Variants in MYBBP1A observed in about 807,000 individuals in gnomAD.
MYBBP1A encodes the protein myb-binding protein 1A.
Under a neutral mutation model 136.3 loss-of-function variants are expected in MYBBP1A, and 147 were observed. The ratio of observed to expected loss-of-function variants is 1.08; its 90% CI spans 0.94 to 1.24. The LOEUF (loss-of-function observed/expected upper bound fraction) is 1.24, where lower values mean the gene tolerates loss of function less well. Ranked by LOEUF, MYBBP1A falls within the 50% of genes most tolerant of loss-of-function variation. MYBBP1A has a pLI of 0.00. For synonymous variants in MYBBP1A, 947 were observed against 735.8 expected, an observed-to-expected ratio of 1.29 and a Z score of -4.65; for missense variants, 2,060 against 1,727.4, an observed-to-expected ratio of 1.19 and a Z score of -3.41.
chr17:4,549,466 A>G, intron 9 of MYBBP1A, 24 bp from the exon 10 acceptor site: 1 of 1,603,562 alleles, frequency 6.2e-7, no homozygotes, highest in South Asian at 1.1e-5. Flanking sequence ...AGGCGAGGTC[A>G]TGTGAGCCAC....
In MYBBP1A at chr17:4,549,152, T is replaced by C. The variant is rs533848356; in HGVS notation, c.1430+180A>G. On this transcript the variant is annotated intron_variant, in intron 10 of 25. Transcript: ENST00000254718. ...TTTAGGCCCCTGCAGCTGGGGTGCC[T>C]CCTGGGCCCCTTCCCTTCACGGGTT... Among the ~76,000 whole-genome samples the C allele has an allele frequency of 8.5e-4, 129 of 152,300 alleles. 4 individuals are homozygous for C. In the South Asian group the frequency reaches 0.026, roughly 30 times the overall value.
intron 8 of MYBBP1A, among the ~76,000 whole-genome samples, chr17:4,551,480 G>A (rs1280831964): frequency 1.3e-5 from 2 of 152,214 alleles, no homozygotes; most frequent in Non-Finnish European, 2.9e-5. Context: ...AGGCCAAGGC[G>A]GGTGGATCAC....
chr17:4,552,457 A>C lies in MYBBP1A; in HGVS notation c.731T>G (p.Val244Gly). 6.2e-7 allele frequency: 1 copy of C among 1,612,914 alleles called. No individual in the cohort carries two copies. Among genetic ancestry groups the C allele is most frequent in the Non-Finnish European group, 8.5e-7 (1 of 1,179,970 alleles). Residue 244 changes from valine to glycine, a missense_variant, in exon 6 of 26, where the codon GTC becomes GGC. Physicochemically the swap from Val to Gly is moderately radical, Grantham distance 109 (BLOSUM62 -3). Transcript: ENST00000254718. This position sits in a 1 kb window ranked among gnomAD's most constrained non-coding sequence, Gnocchi z 4.7. Reference protein sequence around the residue: ...GSVNLFSDENVPRLVNVLKMA... With the variant: ...GSVNLFSDENGPRLVNVLKMA... Reference sequence around the variant, plus strand: ...CCGCCCACCTCCATCACACCTGGGGACATTCTCATCTGAGAATAGGTTCAC... The same window carrying C: ...CCGCCCACCTCCATCACACCTGGGGCCATTCTCATCTGAGAATAGGTTCAC...
Position 4,553,958 on chromosome 17 carries a change from C to T in MYBBP1A, c.454-41G>A, listed in dbSNP as rs377463661. 653 of 1,613,194 alleles carry T rather than the reference C, an allele frequency of 4.0e-4. 3 individuals are homozygous for T. In the South Asian group the frequency reaches 4.3e-3, roughly 11 times the overall value. ...GGACAGAGGGTATGAGCAGGGCACA[C>T]GACTGTCCCCCACCCATCCCAAGCC... On this transcript the variant is annotated intron_variant, in intron 4 of 25. Transcript: ENST00000254718.
In MYBBP1A at chr17:4,540,164, C is replaced by CGAGGGTCCTGT. The variant is rs3833100; in HGVS notation, c.3434+173_3434+183dup. Reference sequence around the variant, plus strand: ...CTGCGAGGGTCCTGCGAGGCTCCTGCGAGGGTCCTGTGAGGGTCCTACAGC... The same window carrying CGAGGGTCCTGT: ...CTGCGAGGGTCCTGCGAGGCTCCTGCGAGGGTCCTGTGAGGGTCCTGTGAGGGTCCTACAGC... On this transcript the variant is annotated intron_variant, in intron 25 of 25. Coordinates refer to ENST00000254718, the MANE Select transcript of MYBBP1A (RefSeq NM_014520.4). Among the ~76,000 whole-genome samples, 35 of 124,068 alleles carry CGAGGGTCCTGT rather than the reference C, an allele frequency of 2.8e-4. 1 individual carries two copies. Among genetic ancestry groups the CGAGGGTCCTGT allele is most frequent in the East Asian group, 8.6e-4 (4 of 4,660 alleles). 81.4% of individuals were successfully genotyped at this position (124,068 alleles called of 152,430 possible). A position where few individuals can be genotyped will look rare whatever the true frequency, so the allele number is the denominator to read the frequency against.
rs1345566700 is a variant in MYBBP1A, at chr17:4,541,536, G to A, written c.3224C>T (p.Thr1075Ile). The change falls in exon 24 of 26, where the codon ACC becomes ATC. Residue 1075 changes from threonine (T) to isoleucine (I), a missense_variant. Thr to Ile is a moderately conservative substitution (Grantham distance 89). Transcript: ENST00000254718. ...ENLRVLGEAQ[T>I]KAQHQQALSS... ...CAGTGCCTGCTGATGCTGCGCCTTG[G>A]TCTGCGCCTCCCCCAGCACGCGCAA... 6.2e-7 allele frequency: 1 copy of A among 1,613,218 alleles called. No individual in the cohort carries two copies. The highest frequency in any genetic ancestry group is 8.5e-7 in the Non-Finnish European group (1 of 1,180,024).
At chr17:4,550,808 G>A (rs184600738) in intron 8 of MYBBP1A, among the ~76,000 whole-genome samples, 20 of 152,378 alleles carry the variant, frequency 1.3e-4, no homozygotes, top group Admixed American at 1.2e-3. Flanking sequence ...CACCTCTCAC[G>A]CGCTTACTCA....
chr17:4,550,061 T>C lies in MYBBP1A; in HGVS notation c.1316A>G (p.His439Arg). 1 of 1,610,312 alleles carries C rather than the reference T, an allele frequency of 6.2e-7. No individual in the cohort carries two copies. Among genetic ancestry groups the C allele is most frequent in the Non-Finnish European group, 8.5e-7 (1 of 1,177,382 alleles). ...TCCTCCCCCAAGGTCCACTCACATG[T>C]GGAGCGATGAATCCTGGGCTTTCTT... ...NQKKAQDSSL[H>R]MPERAVFRLR... is the part of the protein sequence containing the mutation. The change falls in exon 9 of 26, where the codon CAC becomes CGC. Residue 439 changes from histidine (H) to arginine (R), a missense_variant. Coordinates refer to ENST00000254718, the MANE Select transcript of MYBBP1A (RefSeq NM_014520.4).
rs757629985 is a variant in MYBBP1A, at chr17:4,552,177, A to T, written c.853T>A (p.Trp285Arg). ...AGCCCTTGTTCCACCACCTCCTTCC[A>T]GAACCGTGGGAACTTGTCTTCCTTG... Reference protein sequence around the residue: ...ALKEDKFPRFWKEVVEQGLLK... With the variant: ...ALKEDKFPRFRKEVVEQGLLK... The change falls in exon 7 of 26, where the codon TGG becomes AGG. Residue 285 changes from tryptophan (W) to arginine (R), a missense_variant. Physicochemically the swap from Trp to Arg is moderately radical, Grantham distance 101 (BLOSUM62 -3). Transcript: ENST00000254718. The surrounding 1 kb of genome is among the most constrained non-coding windows in gnomAD (Gnocchi z 4.7). The T allele has an allele frequency of 1.9e-5, 30 of 1,614,238 alleles. No homozygotes were observed. The highest frequency in any genetic ancestry group is 2.5e-5 in the Non-Finnish European group (30 of 1,180,040).
chr17:4,545,484 G>A (rs918832056), intron 15 of MYBBP1A, 126 bp downstream of exon 15: 42 of 1,491,118 alleles, frequency 2.8e-5, no homozygotes, highest in Middle Eastern at 4.1e-4. Flanking sequence ...CCAAGGCCTC[G>A]TTGAGACCCC....
Position 4,554,049 on chromosome 17 carries a change from G to A in MYBBP1A, c.423C>T (p.Leu141=), listed in dbSNP as rs890053533. The A allele has an allele frequency of 3.7e-6, 6 of 1,614,016 alleles. No individual in the cohort carries two copies. The highest frequency in any genetic ancestry group is 1.1e-5 in the South Asian group (1 of 91,070). Residue 141 remains leucine, a synonymous_variant, in exon 4 of 26, where the codon CTC becomes CTT. Transcript: ENST00000254718. ...PALFANLFGV[L]ALFQSGRLVK... ...CCAGCCGACCTGACTGAAAGAGGGC[G>A]AGCACTCCAAACAGGTTTGCAAAGA...
chr17:4,540,133 TGGGTCCTGCGA>T (rs946152356), intron 25 of MYBBP1A, among the ~76,000 whole-genome samples, 166 bp from the exon 26 acceptor site: 6 of 147,410 alleles, frequency 4.1e-5, no homozygotes, highest in African/African-American at 7.9e-5. Context: ...GCGAGGCCCC[TGGGTCCTGCGA>T]GGGTCCTGCG....
intron 9 of MYBBP1A, among the ~76,000 whole-genome samples, chr17:4,549,794 A>G (rs1216384972): frequency 6.6e-6 from 1 of 151,116 alleles, no homozygotes; most frequent in African/African-American, 2.4e-5. Context: ...TCAAAAAAAA[A>G]AAAAAAAAAA....
rs544222021 is a variant in MYBBP1A, at chr17:4,541,829, G to T, written c.3150C>A (p.Pro1050=). The change falls in exon 23 of 26, where the codon CCC becomes CCA. Residue 1050 remains proline (P), a synonymous_variant. Coordinates refer to ENST00000254718, the MANE Select transcript of MYBBP1A (RefSeq NM_014520.4). ...CCTGGCCCATCAGCTGCTTCCACTC[G>T]GGGTCCTCAAAGCACGACCTCACCT... The part of the protein sequence containing the change: ...MREVRSCFED[P]EWKQLMGQVL... 6.2e-7 allele frequency: 1 copy of T among 1,613,960 alleles called. No homozygotes were observed. Among genetic ancestry groups the T allele is most frequent in the Non-Finnish European group, 8.5e-7 (1 of 1,180,030 alleles).
rs752169685 is a variant in MYBBP1A at position 4,539,713 on chromosome 17, G to C, written c.3689C>G (p.Thr1230Ser). 17 of 1,609,564 alleles carry C rather than the reference G, an allele frequency of 1.1e-5. No individual in the cohort carries two copies. Among genetic ancestry groups the C allele is most frequent in the Non-Finnish European group, 1.4e-5 (16 of 1,177,086 alleles). ...VPAQANGTPT[T>S]KSPAPGAPTR... ...GGGGGCGCCAGGGGCTGGACTCTTG[G>C]TGGTTGGCGTCCCGTTTGCCTGGGC... Residue 1230 changes from threonine to serine, a missense_variant, in exon 26 of 26, where the codon ACC (threonine) becomes AGC (serine). Physicochemically the swap from Thr to Ser is moderately conservative, Grantham distance 58 (BLOSUM62 1). Transcript: ENST00000254718.
Position 4,539,382 on chromosome 17 carries a change from G to A in MYBBP1A, c.*33C>T, listed in dbSNP as rs1382774080. 1 of 1,541,052 alleles carries A rather than the reference G, an allele frequency of 6.5e-7. No individual in the cohort carries two copies. Among genetic ancestry groups the A allele is most frequent in the African/African-American group, 1.4e-5 (1 of 71,528 alleles). ...AAAAAATAGGCGTCTCAGGCAGATG[G>A]AGGCAGGGGCTGAGGGGGGCCCGTA... On this transcript the variant is annotated 3_prime_UTR_variant, in exon 26 of 26. Transcript: ENST00000254718.
At chr17:4,543,265 G>C in intron 19 of MYBBP1A, 100 bp from the exon 20 acceptor site, 1 of 1,435,412 alleles carries the variant, frequency 7.0e-7, no homozygotes, top group Admixed American at 2.5e-5. Context: ...TGGGGAAACA[G>C]ACCTAGAAGA....
In MYBBP1A at chr17:4,539,129, C is replaced by G; in HGVS notation, c.*286G>C. The G allele has an allele frequency of 6.7e-7, 1 of 1,493,474 alleles. No individual in the cohort carries two copies. The highest frequency in any genetic ancestry group is 8.9e-7 in the Non-Finnish European group (1 of 1,127,944). 92.5% of individuals were successfully genotyped at this position (1,493,474 alleles called of 1,614,324 possible). On this transcript the variant is annotated 3_prime_UTR_variant, in exon 26 of 26. Transcript: ENST00000254718. ...CACCTGCCTGCAGCCAGCACATCAA[C>G]CTGCACCAACCCAGGCAAACACCAG...
In MYBBP1A at chr17:4,544,763, G is replaced by T; in HGVS notation, c.2469C>A (p.Asp823Glu). 6.4e-7 allele frequency: 1 copy of T among 1,567,346 alleles called. No homozygotes were observed. The highest frequency in any genetic ancestry group is 1.8e-5 in the Admixed American group (1 of 56,092). The change falls in exon 18 of 26, where the codon GAC becomes GAA. Residue 823 changes from aspartate (D) to glutamate (E), a missense_variant. Asp to Glu is a conservative substitution (Grantham distance 45). Transcript: ENST00000254718. ...KLQKEKALRR[D>E]FQIRVLDLVE... is the part of the protein sequence containing the mutation. ...CCCCCAGGCTCACCCGGATCTGGAAGTCGCGCCGCAGAGCCTTCTCCTTCT... is the reference window on the plus strand; with the variant it reads ...CCCCCAGGCTCACCCGGATCTGGAATTCGCGCCGCAGAGCCTTCTCCTTCT...
Sources: allele counts gnomAD v4.1 joint callset (sites outside exome capture counted in the v4.1 genomes callset), GRCh38; gene constraint gnomAD v4.1.1; non-coding constraint Gnocchi (gnomAD v3.1); transcripts MANE v1.5; gene names NCBI Gene and HGNC (gene_info 2026-07-23, HGNC 2026-07-21).